CCDC7: variants seen among roughly 807,000 people sequenced by gnomAD.
The protein encoded by CCDC7 is coiled-coil domain containing 7, also known as coiled-coil domain-containing protein 7.
CCDC7 carries 183 observed loss-of-function variants against 196.9 expected under a neutral mutation model. The observed-to-expected ratio is 0.93, with a 90% CI of 0.82 to 1.05. CCDC7 has a LOEUF of 1.05. Among genes scored for constraint, CCDC7 ranks in the 50% least tolerant of loss-of-function variants. The probability of loss-of-function intolerance (pLI) is 0.00; values close to 1 mark genes in which losing one functional copy is unlikely to be tolerated. For missense variants in CCDC7, 1,540 were observed against 1,482.2 expected (o/e 1.04, Z -0.64); for synonymous variants, 525 against 484.6 (o/e 1.08, Z -1.10).
rs370260792 is a variant in CCDC7, at chr10:32,861,271, A to G, written c.4111+6782A>G. Reference sequence around the variant, plus strand: ...AAAGGCCTCAGAAATAATGCCACACATGTAGAACCATCTGATTTTTGACGA... The same window carrying G: ...AAAGGCCTCAGAAATAATGCCACACGTGTAGAACCATCTGATTTTTGACGA... On this transcript the variant is annotated intron_variant, in intron 41 of 41. Coordinates refer to ENST00000639629, the Ensembl canonical transcript of CCDC7. 2.8e-4 allele frequency among the ~76,000 whole-genome samples: 43 copies of G among 152,286 alleles called. No individual in the cohort carries two copies. In the East Asian group the frequency reaches 6.8e-3, roughly 24 times the overall value.
chr10:32,646,797 A>G (rs188650723), intron 20 of CCDC7, among the ~76,000 whole-genome samples: 26 of 152,264 alleles, frequency 1.7e-4, no homozygotes, highest in Admixed American at 1.3e-3. Context: ...CATGTGGTCA[A>G]TACTTAGCTC....
chr10:32,648,999 C>T (rs565344100), intron 20 of CCDC7, among the ~76,000 whole-genome samples: 104 of 152,262 alleles, frequency 6.8e-4, no homozygotes, highest in African/African-American at 2.2e-3. Flanking sequence ...CAGATCATGT[C>T]CTTTTGTAGG....
At chr10:32,571,990 A>G (rs2057624541) in intron 16 of CCDC7, 97 bp downstream of exon 17, 1 of 1,180,832 alleles carries the variant, frequency 8.5e-7, no homozygotes, top group Admixed American at 3.5e-5. Context: ...TTAATGTCAC[A>G]AAACTCTTTG....
chr10:32,472,392 C>T, intron 6 of CCDC7, 89 bp from the exon 8 acceptor site: 3 of 1,198,948 alleles, frequency 2.5e-6, no homozygotes, highest in Non-Finnish European at 3.4e-6. Context: ...CTTCATATGT[C>T]TGGACTTCAC....
chr10:32,502,918 A>G (rs921549259), intron 9 of CCDC7, among the ~76,000 whole-genome samples: 2 of 152,144 alleles, frequency 1.3e-5, no homozygotes, highest in African/African-American at 2.4e-5. Context: ...TTATGCTATT[A>G]TAAATGGGAT....
At chr10:32,649,829 G>A (rs529892119) in intron 20 of CCDC7, among the ~76,000 whole-genome samples, 1 of 152,302 alleles carries the variant, frequency 6.6e-6, no homozygotes, top group East Asian at 1.9e-4. Flanking sequence ...ATTGTATTAT[G>A]AAATTCTTGT....
exon 28 of CCDC7, chr10:32,729,412 G>C (rs753421053): frequency 1.3e-5 from 19 of 1,470,436 alleles, no homozygotes; most frequent in Non-Finnish European, 1.8e-5. Flanking sequence ...ATCAAGAAGC[G>C]AATCTCAAAC....
At chr10:32,544,169 A>C in intron 12 of CCDC7, 78 bp from the exon 14 acceptor site, 1 of 1,252,964 alleles carries the variant, frequency 8.0e-7, no homozygotes, top group Non-Finnish European at 1.1e-6. Flanking sequence ...AAATCGTTTA[A>C]AAAGTCCTCC....
chr10:32,627,143 G>A lies in CCDC7; in HGVS notation c.1802-7111G>A, dbSNP rs187854096. Among the ~76,000 whole-genome samples the A allele has an allele frequency of 5.9e-5, 9 of 151,896 alleles. No homozygotes were observed. The East Asian group carries it at 1.7e-3, about 29-fold the overall frequency. ...TTGACACTATAGATTGCTTTGGGTA[G>A]TGTGGACATTTTTAAAAATCATGGG... On this transcript the variant is annotated intron_variant, in intron 18 of 41. Coordinates refer to ENST00000639629, the Ensembl canonical transcript of CCDC7.
chr10:32,646,443 A>G (rs1424309193), intron 20 of CCDC7, among the ~76,000 whole-genome samples: 1 of 152,130 alleles, frequency 6.6e-6, no homozygotes, highest in Non-Finnish European at 1.5e-5. Context: ...TTGTCGCCTA[A>G]TATATGGTCT....
chr10:32,446,237 T>G (rs910565984), exon 1 of CCDC7: 1 of 152,108 alleles, frequency 6.6e-6, no homozygotes, highest in African/African-American at 2.4e-5. Flanking sequence ...AAACGTCAGT[T>G]TGTAAAAGGG....
At chr10:32,718,780 C>CA (rs1343455208) in intron 25 of CCDC7, among the ~76,000 whole-genome samples, 2 of 152,002 alleles carry the variant, frequency 1.3e-5, no homozygotes, top group Non-Finnish European at 2.9e-5. Flanking sequence ...ACAATTGCTA[C>CA]AAAGAAAATA....
At chr10:32,721,684 A>G (rs2082433176) in intron 25 of CCDC7, among the ~76,000 whole-genome samples, 1 of 152,096 alleles carries the variant, frequency 6.6e-6, no homozygotes, top group African/African-American at 2.4e-5. Context: ...GCCCCTTTCT[A>G]GATCATACCC....
chr10:32,710,063 C>A (rs185586445), intron 24 of CCDC7, among the ~76,000 whole-genome samples: 12 of 152,260 alleles, frequency 7.9e-5, no homozygotes, highest in South Asian at 2.1e-4. Context: ...CTTGGGTGTT[C>A]CCTTCTCATT....
chr10:32,658,325 C>G (rs977663494), intron 20 of CCDC7, among the ~76,000 whole-genome samples: 8 of 152,214 alleles, frequency 5.3e-5, no homozygotes, highest in African/African-American at 1.9e-4. Flanking sequence ...CACAGTTCCA[C>G]ATGGCTGGGA....
Position 32,726,749 on chromosome 10 carries a change from CTA to C in CCDC7, c.2587_2588del (p.Met863ValfsTer26), listed in dbSNP as rs2083189789. 1 of 1,591,268 alleles carries C rather than the reference CTA, an allele frequency of 6.3e-7. No individual in the cohort carries two copies. Among genetic ancestry groups the C allele is most frequent in the Non-Finnish European group, 8.6e-7 (1 of 1,163,430 alleles). ...CATTTTGTAGTACCAGATAAAAATT[CTA>C]TGTTTGTTCATCAAGATTCAGTGTC... On this transcript the variant is annotated frameshift_variant, in exon 26 of 42. Transcript: ENST00000639629. LOFTEE classifies it high-confidence loss of function.
intron 21 of CCDC7, among the ~76,000 whole-genome samples, chr10:32,672,530 G>C (rs373697454): frequency 6.6e-6 from 1 of 152,170 alleles, no homozygotes; most frequent in South Asian, 2.1e-4. Context: ...TTTCCCAGTA[G>C]TGGCTTAACA....
chr10:32,869,646 A>G (rs915032947), intron 41 of CCDC7, among the ~76,000 whole-genome samples: 1 of 152,268 alleles, frequency 6.6e-6, no homozygotes, highest in African/African-American at 2.4e-5. Flanking sequence ...GCCCATGTCT[A>G]TGTCCTGAAT....
chr10:32,634,280 C>T (rs2065285595), exon 19 of CCDC7: 2 of 1,216,082 alleles, frequency 1.6e-6, no homozygotes, highest in Admixed American at 8.5e-5. Flanking sequence ...AGATGAAAAT[C>T]TTATGGTTGA....
Sources: allele counts gnomAD v4.1 joint callset (sites outside exome capture counted in the v4.1 genomes callset), GRCh38; gene constraint gnomAD v4.1.1; transcripts MANE v1.5; gene names NCBI Gene and HGNC (gene_info 2026-07-23, HGNC 2026-07-21).